The following SEPTIN6 variants were observed in gnomAD, a reference collection of about 807,000 sequenced individuals.
SEPTIN6 encodes the protein septin 6, also known as septin-6.
A neutral mutation model predicts 33.6 loss-of-function variants in SEPTIN6; 8 were observed. The ratio of observed to expected loss-of-function variants is 0.24; its 90% CI spans 0.14 to 0.43. The LOEUF (loss-of-function observed/expected upper bound fraction) is 0.43. SEPTIN6 is among the 20% of genes least tolerant of loss of function. The pLI, the probability that SEPTIN6 is intolerant of heterozygous loss-of-function variation, is 1.00. For missense variants in SEPTIN6, 250 were observed against 340.8 expected, an observed-to-expected ratio of 0.73 and a Z score of 2.10; for synonymous variants, 131 against 140.0, an observed-to-expected ratio of 0.94 and a Z score of 0.45.
chrX:119,663,971 TTTG>T (rs1449023721), intron 2 of SEPTIN6, among the ~76,000 whole-genome samples: 1 of 110,728 alleles, frequency 9.0e-6, no homozygotes, highest in Non-Finnish European at 1.9e-5. Flanking sequence ...CATTGTTTTT[TTTG>T]TTGTTGTTTG....
At chrX:119,615,994 A>G (rs975050826), downstream of SEPTIN6, 6 of 172,954 alleles carry the variant, frequency 3.5e-5, no homozygotes, top group African/African-American at 8.9e-5. Context: ...GCACACTCAC[A>G]TGGTATTTTG....
At position 119,618,706 on chromosome X, in the gene SEPTIN6, T is replaced by C; in HGVS notation, c.*1387A>G. On this transcript the variant is annotated 3_prime_UTR_variant, in exon 11 of 11. Coordinates refer to ENST00000394610, the MANE Select transcript of SEPTIN6 (RefSeq NM_145799.4). ...CCCAAAGGAAAGCTGTCAGTTAAAA[T>C]AGGAACCTCGGCTTAAAAGGCTAAA... 3.3e-6 allele frequency: 4 copies of C among 1,201,550 alleles called. No individual in the cohort carries two copies. Among genetic ancestry groups the C allele is most frequent in the South Asian group, 1.8e-5 (1 of 54,862 alleles).
At chrX:119,681,921 C>A (rs957714589) in intron 1 of SEPTIN6, among the ~76,000 whole-genome samples, 10 of 111,166 alleles carry the variant, frequency 9.0e-5, no homozygotes, top group African/African-American at 3.3e-4. Context: ...CCTGTAGTCC[C>A]AGCTACCCAG....
intron 6 of SEPTIN6, among the ~76,000 whole-genome samples, chrX:119,639,034 T>C (rs2054110385): frequency 8.9e-6 from 1 of 112,389 alleles, no homozygotes. Flanking sequence ...GGTGGGACAC[T>C]GTGGGTCCAG....
At chrX:119,680,199 A>T (rs1007353537) in intron 1 of SEPTIN6, among the ~76,000 whole-genome samples, 1 of 37,754 alleles carries the variant, frequency 2.6e-5, no homozygotes, top group Non-Finnish European at 4.5e-5. Flanking sequence ...TCTTAATTTT[A>T]TTTATTTATT....
intron 3 of SEPTIN6, among the ~76,000 whole-genome samples, chrX:119,661,970 T>G (rs1221168774): frequency 3.6e-5 from 4 of 112,121 alleles, no homozygotes; most frequent in South Asian, 7.4e-4. Context: ...ATTCCTGACT[T>G]CAAGTGATCT....
chrX:119,667,011 T>C (rs931025971), intron 2 of SEPTIN6, among the ~76,000 whole-genome samples: 3 of 111,066 alleles, frequency 2.7e-5, no homozygotes, highest in Admixed American at 1.9e-4. Flanking sequence ...TCTTCCTATG[T>C]GCCTGATGAA....
chrX:119,692,486 GACACGAGCGCGCGCGCGTGC>G (rs1194760126), intron 1 of SEPTIN6, among the ~76,000 whole-genome samples: 2 of 111,514 alleles, frequency 1.8e-5, no homozygotes, highest in African/African-American at 3.3e-5. Flanking sequence ...CGCCCGGGAA[GACACGAGCGCGCGCGCGTGC>G]ACACATACGC....
Position 119,636,157 on chromosome X carries a change from G to A in SEPTIN6, c.956+870C>T, listed in dbSNP as rs950816907. On this transcript the variant is annotated intron_variant, in intron 7 of 10. Transcript: ENST00000394610. ...TGAAGCAAATATCCCCAAGGGACTG[G>A]TTAGGCTCTGACTCCAGGCCAGCTT... Among the ~76,000 whole-genome samples, 3 of 111,523 alleles carry A rather than the reference G, an allele frequency of 2.7e-5. No homozygotes were observed. In the Admixed American group the frequency reaches 2.9e-4, roughly 11 times the overall value.
rs2053677100 is a variant in SEPTIN6 at position 119,617,100 on chromosome X, GTGT to G, written c.*2990_*2992del. 3.9e-5 allele frequency: 1 copy of G among 25,744 alleles called. No individual in the cohort carries two copies. Among genetic ancestry groups the G allele is most frequent in the Non-Finnish European group, 4.3e-5 (1 of 23,089 alleles). 2.1% of individuals were successfully genotyped at this position (25,744 alleles called of 1,213,427 possible). A position where few individuals can be genotyped will look rare whatever the true frequency, so the allele number is the denominator to read the frequency against. ...TAAGAGAAGTGAGGGATGTGTGTAC[GTGT>G]GTGTGTGTGTGTGTGTGTGTGTGTG... On this transcript the variant is annotated 3_prime_UTR_variant, in exon 11 of 11. Coordinates refer to ENST00000394610, the MANE Select transcript of SEPTIN6 (RefSeq NM_145799.4).
At chrX:119,640,499 C>A (rs1298685272) in intron 6 of SEPTIN6, among the ~76,000 whole-genome samples, 193 bp downstream of exon 6, 1 of 70,186 alleles carries the variant, frequency 1.4e-5, no homozygotes, top group East Asian at 3.7e-4. Flanking sequence ...TTAGAGGGAG[C>A]TTGCTCCCAT....
At chrX:119,630,951 G>C (rs1209068910) in intron 8 of SEPTIN6, among the ~76,000 whole-genome samples, 1 of 109,931 alleles carries the variant, frequency 9.1e-6, no homozygotes, top group Admixed American at 9.8e-5. Context: ...GAGAACAAGA[G>C]GCACAGACAG....
rs376127623 is a variant in SEPTIN6 at position 119,650,111 on chromosome X, G to A, written c.529-13C>T. 18 of 1,204,241 alleles carry A rather than the reference G, an allele frequency of 1.5e-5. No homozygotes were observed. The African/African-American group carries it at 3.0e-4, about 20-fold the overall frequency. On this transcript the variant is annotated splice_polypyrimidine_tract_variant and intron_variant, in intron 4 of 10. Coordinates refer to ENST00000394610, the MANE Select transcript of SEPTIN6 (RefSeq NM_145799.4). ...GGATGATGTTCACCTAGGGAGAGGA[G>A]GGGCAAAGTGGGGTCATTGTTGGTA... is the stretch of plus-strand genomic sequence containing the variant.
In SEPTIN6 at chrX:119,618,178, T is replaced by TA. The variant is rs1170991215; in HGVS notation, c.*1914_*1915insT. ...GTATCTGAGCAGATTTTTTTTTTTT[T>TA]TTTTTTGGTCGTTGGTTTGTTTCTA... On this transcript the variant is annotated 3_prime_UTR_variant, in exon 11 of 11. Coordinates refer to ENST00000394610, the MANE Select transcript of SEPTIN6 (RefSeq NM_145799.4). 2.5e-6 allele frequency: 2 copies of TA among 795,352 alleles called. No individual in the cohort carries two copies. Among genetic ancestry groups the TA allele is most frequent in the Non-Finnish European group, 3.0e-6 (2 of 666,961 alleles). 65.5% of individuals were successfully genotyped at this position (795,352 alleles called of 1,213,427 possible). A position where few individuals can be genotyped will look rare whatever the true frequency, so the allele number is the denominator to read the frequency against.
intron 5 of SEPTIN6, 81 bp downstream of exon 5, chrX:119,649,856 G>A: frequency 9.7e-7 from 1 of 1,032,081 alleles, no homozygotes. Context: ...GGGCAACAGA[G>A]CAAGACCCTG....
At chrX:119,623,144 T>C (rs1372362183) in intron 10 of SEPTIN6, among the ~76,000 whole-genome samples, 1 of 112,081 alleles carries the variant, frequency 8.9e-6, no homozygotes. Flanking sequence ...AGGCTCTCCA[T>C]TTAAATCATA....
At chrX:119,667,135 G>A (rs1354424815) in intron 2 of SEPTIN6, among the ~76,000 whole-genome samples, 1 of 110,701 alleles carries the variant, frequency 9.0e-6, no homozygotes, top group Non-Finnish European at 1.9e-5. Flanking sequence ...TGAGCTCCCT[G>A]CCGAATGCCC....
At chrX:119,681,827 A>T (rs57319292) in intron 1 of SEPTIN6, among the ~76,000 whole-genome samples, 20,007 of 110,976 alleles carry the variant, frequency 0.18, 1,346 homozygotes, top group South Asian at 0.32. Flanking sequence ...GCTTGAGCCC[A>T]GGAGTTTGAG....
chrX:119,664,347 C>T (rs993501091), intron 2 of SEPTIN6, among the ~76,000 whole-genome samples: 2 of 111,283 alleles, frequency 1.8e-5, no homozygotes, highest in Admixed American at 9.6e-5. Context: ...AGAGATATAG[C>T]TATGCCTAGA....
Sources: allele counts gnomAD v4.1 joint callset (sites outside exome capture counted in the v4.1 genomes callset), GRCh38; gene constraint gnomAD v4.1.1; transcripts MANE v1.5; gene names NCBI Gene and HGNC (gene_info 2026-07-23, HGNC 2026-07-21).